EDIL3: variants seen among roughly 807,000 people sequenced by gnomAD.
EDIL3 encodes EGF-like repeat and discoidin I-like domain-containing protein 3.
EDIL3 carries 37 observed loss-of-function variants against 67.4 expected under a neutral mutation model. The ratio of observed to expected loss-of-function variants is 0.55; its 90% CI spans 0.42 to 0.72. The LOEUF is 0.72. Ranked by LOEUF, EDIL3 falls within the 30% of genes least tolerant of loss-of-function variation. EDIL3 has a pLI of 0.00. For synonymous variants in EDIL3, 195 were observed against 196.3 expected (o/e 0.99, Z 0.05); for missense variants, 527 against 586.3 (o/e 0.90, Z 1.04).
At chr5:84,083,410 C>T (rs1464200841) in intron 6 of EDIL3, among the ~76,000 whole-genome samples, 1 of 152,120 alleles carries the variant, frequency 6.6e-6, no homozygotes, top group Non-Finnish European at 1.5e-5. Flanking sequence ...AATATGACCA[C>T]TGAAGGGCAA....
chr5:84,175,796 GT>G lies in EDIL3; in HGVS notation c.355+4596del, dbSNP rs533512055. ...CATTCCTTAAGTCAGTAATCCTCAAGTTTGGTGTACTGAAGGATCATATGGA... is the reference window on the plus strand; with the variant it reads ...CATTCCTTAAGTCAGTAATCCTCAAGTTGGTGTACTGAAGGATCATATGGA... On this transcript the variant is annotated intron_variant, in intron 4 of 10. Coordinates refer to ENST00000296591, the MANE Select transcript of EDIL3 (RefSeq NM_005711.5). Among the ~76,000 whole-genome samples, 3 of 152,224 alleles carry G rather than the reference GT, an allele frequency of 2.0e-5. No individual in the cohort carries two copies. The South Asian group carries it at 6.2e-4, about 32-fold the overall frequency.
At chr5:84,006,228 AG>A (rs1745412967) in intron 9 of EDIL3, among the ~76,000 whole-genome samples, 1 of 152,040 alleles carries the variant, frequency 6.6e-6, no homozygotes, top group South Asian at 2.1e-4. Flanking sequence ...GCTCAAGAAT[AG>A]GAAGAATAAA....
intron 3 of EDIL3, among the ~76,000 whole-genome samples, chr5:84,186,075 C>T (rs537290928): frequency 6.6e-6 from 1 of 151,960 alleles, no homozygotes; most frequent in South Asian, 2.1e-4. Context: ...GCAACAGTTT[C>T]CAGTTTTATT....
chr5:84,365,544 A>C (rs1432794968), intron 1 of EDIL3, among the ~76,000 whole-genome samples: 1 of 152,186 alleles, frequency 6.6e-6, no homozygotes, highest in African/African-American at 2.4e-5. Context: ...AGGTGGAAAG[A>C]GTAAAAAGAA....
intron 5 of EDIL3, among the ~76,000 whole-genome samples, chr5:84,125,488 C>T (rs928790628): frequency 3.3e-4 from 50 of 151,994 alleles, no homozygotes; most frequent in African/African-American, 1.1e-3. Context: ...CATATATGTC[C>T]GGGAAGCATA....
chr5:84,012,760 C>G (rs1189147447), intron 9 of EDIL3, among the ~76,000 whole-genome samples: 1 of 152,014 alleles, frequency 6.6e-6, no homozygotes, highest in Non-Finnish European at 1.5e-5. Context: ...TAATTATAAT[C>G]TATACTAAAC....
rs1744246389 is a variant in EDIL3 at position 83,942,724 on chromosome 5, T to C, written c.*695A>G. The C allele has an allele frequency of 6.6e-6, 1 of 152,006 alleles. No homozygotes were observed. Among genetic ancestry groups the C allele is most frequent in the Non-Finnish European group, 1.5e-5 (1 of 67,952 alleles). The allele number at this position is 152,006 out of a possible 1,614,324, so 9.4% of individuals were successfully genotyped here. A position where few individuals can be genotyped will look rare whatever the true frequency, so the allele number is the denominator to read the frequency against. On this transcript the variant is annotated 3_prime_UTR_variant, in exon 11 of 11. Coordinates refer to ENST00000296591, the MANE Select transcript of EDIL3 (RefSeq NM_005711.5). ...CATGTTCTACATATATGAGTAAACA[T>C]GACACTTCTTTTAGTCAACTAATAG...
chr5:84,069,219 C>T (rs1314575393), intron 6 of EDIL3, among the ~76,000 whole-genome samples: 1 of 151,922 alleles, frequency 6.6e-6, no homozygotes, highest in Non-Finnish European at 1.5e-5. Flanking sequence ...CACTGTGTAT[C>T]CTTAAAAAGC....
At chr5:84,197,981 C>T (rs1473096572) in intron 3 of EDIL3, among the ~76,000 whole-genome samples, 1 of 151,840 alleles carries the variant, frequency 6.6e-6, no homozygotes, top group Non-Finnish European at 1.5e-5. Flanking sequence ...ATATGTCTGC[C>T]TCAACAGTGG....
At chr5:84,024,976 C>G (rs762264692) in intron 9 of EDIL3, among the ~76,000 whole-genome samples, 1 of 152,042 alleles carries the variant, frequency 6.6e-6, no homozygotes, top group Non-Finnish European at 1.5e-5. Context: ...ATCTCTCTCT[C>G]TCTCCCTTTT....
At chr5:84,261,932 A>G (rs1487661596) in intron 1 of EDIL3, among the ~76,000 whole-genome samples, 1 of 152,206 alleles carries the variant, frequency 6.6e-6, no homozygotes, top group Non-Finnish European at 1.5e-5. Context: ...AATAAGGAGA[A>G]AATCTGCTGT....
intron 9 of EDIL3, among the ~76,000 whole-genome samples, chr5:83,974,170 CTTTTTAGGCTAA>C (rs1372535538): frequency 6.6e-6 from 1 of 151,686 alleles, no homozygotes; most frequent in African/African-American, 2.4e-5. Context: ...ATGGTGATTG[CTTTTTAGGCTAA>C]AACAAAAACA....
At position 84,096,459 on chromosome 5, in the gene EDIL3, A is replaced by AT. The variant is rs1747265607; in HGVS notation, c.651+10189dup. On this transcript the variant is annotated intron_variant, in intron 6 of 10. Coordinates refer to ENST00000296591, the MANE Select transcript of EDIL3 (RefSeq NM_005711.5). ...CTTTAAGATTTGACTACCCCAATGG[A>AT]TTTTGGACTTGCCTGGGGCCAGTAG... Among the ~76,000 whole-genome samples, 6 of 152,252 alleles carry AT rather than the reference A, an allele frequency of 3.9e-5. No individual in the cohort carries two copies. In the South Asian group the frequency reaches 1.2e-3, roughly 32 times the overall value.
chr5:84,328,639 T>C (rs558115896), intron 1 of EDIL3, among the ~76,000 whole-genome samples: 7 of 152,144 alleles, frequency 4.6e-5, no homozygotes, highest in Admixed American at 3.3e-4. Context: ...ACCATGCCTC[T>C]GCTTCAATGC....
At chr5:84,279,178 C>A (rs763889378) in intron 1 of EDIL3, among the ~76,000 whole-genome samples, 4 of 152,052 alleles carry the variant, frequency 2.6e-5, no homozygotes, top group Non-Finnish European at 4.4e-5. Context: ...TCGAAGGCTG[C>A]CATATTATAA....
intron 6 of EDIL3, among the ~76,000 whole-genome samples, chr5:84,091,856 A>C (rs1406616066): frequency 1.3e-5 from 2 of 152,236 alleles, no homozygotes; most frequent in African/African-American, 4.8e-5. Flanking sequence ...AGGCAATATG[A>C]GAATCTAATT....
chr5:84,015,835 A>T (rs1745595587), intron 9 of EDIL3, among the ~76,000 whole-genome samples: 1 of 152,200 alleles, frequency 6.6e-6, no homozygotes, highest in Non-Finnish European at 1.5e-5. Flanking sequence ...TGTTAAAATT[A>T]TGGCAATATC....
At chr5:84,228,502 C>T (rs1201208834) in intron 3 of EDIL3, among the ~76,000 whole-genome samples, 2 of 152,058 alleles carry the variant, frequency 1.3e-5, no homozygotes, top group East Asian at 3.9e-4. Flanking sequence ...AAACAGGCTA[C>T]ACAATACTGC....
At chr5:84,032,260 C>T (rs1464887253) in intron 9 of EDIL3, among the ~76,000 whole-genome samples, 1 of 152,132 alleles carries the variant, frequency 6.6e-6, no homozygotes, top group Non-Finnish European at 1.5e-5. Flanking sequence ...ACATATGTGG[C>T]ATTTCCTTAA....
Sources: gnomAD v4.1 joint callset for allele counts (sites outside exome capture counted in the v4.1 genomes callset) on GRCh38, gnomAD v4.1.1 for gene constraint, MANE v1.5 for transcripts, NCBI Gene and HGNC (gene_info 2026-07-23, HGNC 2026-07-21) for gene names.